The following LAMA3 variants were observed in gnomAD, a reference collection of about 807,000 sequenced individuals.
LAMA3 encodes the protein laminin subunit alpha 3.
LAMA3 carries 281 observed loss-of-function variants against 402.0 expected under a neutral mutation model. The observed-to-expected ratio is 0.70, with a 90% CI of 0.63 to 0.77. The LOEUF is 0.77. Ranked by LOEUF, LAMA3 falls within the 30% of genes least tolerant of loss-of-function variation. LAMA3 has a pLI of 0.00. For synonymous variants in LAMA3, 1,431 were observed against 1,558.4 expected, an observed-to-expected ratio of 0.92 and a Z score of 1.93; for missense variants, 3,840 against 4,215.5, an observed-to-expected ratio of 0.91 and a Z score of 2.47.
chr18:23,872,523 C>A (rs187885914), intron 38 of LAMA3, among the ~76,000 whole-genome samples: 3 of 152,242 alleles, frequency 2.0e-5, no homozygotes, highest in Admixed American at 2.0e-4. Flanking sequence ...TCTTTCCTGG[C>A]CCCCTGGTAG....
In LAMA3 at chr18:23,898,778, G is replaced by T. The variant is rs1447259283; in HGVS notation, c.5654G>T (p.Gly1885Val). ...LNYRSAISNH[G>V]SKIEGLEREL... ...TACCGTTCTGCCATTTCAAATCATG[G>T]ATCAAAAATAGAAGGCCTGGAAAGA... The change falls in exon 45 of 75, where the codon GGA (glycine) becomes GTA (valine). Residue 1885 changes from glycine to valine, a missense_variant. This residue lies in a region of LAMA3 where 891 missense variants were observed against 857.5 expected (regional missense o/e 1.04). Coordinates refer to ENST00000313654, the MANE Select transcript of LAMA3 (RefSeq NM_198129.4). 1 of 1,612,254 alleles carries T rather than the reference G, an allele frequency of 6.2e-7. No homozygotes were observed. The highest frequency in any genetic ancestry group is 8.5e-7 in the Non-Finnish European group (1 of 1,178,500).
chr18:23,835,166 C>T (rs529018036), intron 24 of LAMA3, among the ~76,000 whole-genome samples: 1 of 152,304 alleles, frequency 6.6e-6, no homozygotes, highest in South Asian at 2.1e-4. Context: ...AGACTGTTAG[C>T]CGCAGGGCCT....
intron 12 of LAMA3, chr18:23,796,224 A>G (rs1264111026): frequency 8.2e-6 from 2 of 244,780 alleles, no homozygotes; most frequent in Admixed American, 9.9e-5. Flanking sequence ...AAGACTAGGA[A>G]AAGAGTATAC....
chr18:23,894,438 G>C lies in LAMA3; in HGVS notation c.5461+90G>C. ...ACCATGCTGGGTCATGCAGTTTCCA[G>C]TCTGGGAAAGTAAGGGTGGGAGGAG... On this transcript the variant is annotated intron_variant, in intron 43 of 74. Coordinates refer to ENST00000313654, the MANE Select transcript of LAMA3 (RefSeq NM_198129.4). The C allele has an allele frequency of 3.4e-6, 4 of 1,162,682 alleles. 1 individual carries two copies. Among genetic ancestry groups the C allele is most frequent in the Middle Eastern group, 1.9e-4 (1 of 5,176 alleles). 72.0% of individuals were successfully genotyped at this position (1,162,682 alleles called of 1,614,324 possible). A position where few individuals can be genotyped will look rare whatever the true frequency, so the allele number is the denominator to read the frequency against.
intron 1 of LAMA3, among the ~76,000 whole-genome samples, chr18:23,709,066 T>A (rs546883017): frequency 1.3e-5 from 2 of 150,232 alleles, no homozygotes; most frequent in African/African-American, 4.9e-5. Context: ...CATTTGGAGG[T>A]TTTTTCTTTT....
chr18:23,835,172 G>T (rs1038909910), intron 24 of LAMA3, among the ~76,000 whole-genome samples: 1 of 152,136 alleles, frequency 6.6e-6, no homozygotes, highest in African/African-American at 2.4e-5. Flanking sequence ...TTAGCCGCAG[G>T]GCCTGGACCA....
chr18:23,877,157 G>T (rs1158465136), intron 39 of LAMA3, among the ~76,000 whole-genome samples: 1 of 152,176 alleles, frequency 6.6e-6, no homozygotes, highest in African/African-American at 2.4e-5. Context: ...AAGGGAAAGT[G>T]CTGCTCACCC....
At chr18:23,804,158 G>A (rs865889492) in intron 12 of LAMA3, among the ~76,000 whole-genome samples, 1 of 152,318 alleles carries the variant, frequency 6.6e-6, no homozygotes, top group African/African-American at 2.4e-5. Context: ...GTTATCTGCA[G>A]AGGATGGCTT....
rs562356276 is a variant in LAMA3, at chr18:23,759,589, T to C, written c.1063+1078T>C. On this transcript the variant is annotated intron_variant, in intron 7 of 74. Coordinates refer to ENST00000313654, the MANE Select transcript of LAMA3 (RefSeq NM_198129.4). ...TTTGCTTGTTTGTTTGTATTTTTAG[T>C]AGGGATGGGGTTTCGCCATGTTGGC... Among the ~76,000 whole-genome samples the C allele has an allele frequency of 4.0e-4, 61 of 152,324 alleles. No individual in the cohort carries two copies. In the Middle Eastern group the frequency reaches 0.017, roughly 42 times the overall value.
intron 8 of LAMA3, among the ~76,000 whole-genome samples, chr18:23,769,018 G>A (rs905227133): frequency 4.6e-5 from 7 of 152,194 alleles, no homozygotes; most frequent in Non-Finnish European, 8.8e-5. Flanking sequence ...GACAAGGGTC[G>A]AAAAACTAAC....
chr18:23,885,468 C>T (rs1265222966), intron 41 of LAMA3, among the ~76,000 whole-genome samples: 4 of 151,378 alleles, frequency 2.6e-5, no homozygotes, highest in Non-Finnish European at 2.9e-5. Flanking sequence ...AATAGGTGTT[C>T]GGTAATGTTT....
At chr18:23,878,981 TC>T (rs940999113) in intron 39 of LAMA3, among the ~76,000 whole-genome samples, 1 of 149,208 alleles carries the variant, frequency 6.7e-6, no homozygotes, top group Non-Finnish European at 1.5e-5. Flanking sequence ...TTTTCTCCTC[TC>T]CCCCCAATTC....
intron 66 of LAMA3, chr18:23,932,697 C>T (rs1053537945): frequency 2.4e-4 from 46 of 192,206 alleles, no homozygotes; most frequent in African/African-American, 1.0e-3. Context: ...CAATGTTGAA[C>T]GTGATATTTA....
Position 23,767,161 on chromosome 18 carries a change from C to CA in LAMA3, c.1182+3640dup, listed in dbSNP as rs200376372. ...GCCCAAATCTAGGAATACATCTAAC[C>CA]AAGGAGGTGAAAGATCTCTACAAGG... On this transcript the variant is annotated intron_variant, in intron 8 of 74. Coordinates refer to ENST00000313654, the MANE Select transcript of LAMA3 (RefSeq NM_198129.4). Among the ~76,000 whole-genome samples, 549 of 152,130 alleles carry CA rather than the reference C, an allele frequency of 3.6e-3. 3 individuals carry two copies. The highest frequency in any genetic ancestry group is 0.013 in the African/African-American group (520 of 41,502).
rs866224631 is a variant in LAMA3 at position 23,953,339 on chromosome 18, T to G, written c.9856+230T>G. The stretch of plus-strand genomic sequence containing the variant: ...CCTGTAATTTTGTTTTTTTTTTTTG[T>G]TTTTTTTTTTGTTTTTTTTTGAGAT... On this transcript the variant is annotated intron_variant, in intron 74 of 74. Coordinates refer to ENST00000313654, the MANE Select transcript of LAMA3 (RefSeq NM_198129.4). Among the ~76,000 whole-genome samples, 1,218 of 140,956 alleles carry G rather than the reference T, an allele frequency of 8.6e-3. 9 individuals are homozygous for G. The highest frequency in any genetic ancestry group is 0.071 in the Middle Eastern group (18 of 254). 92.5% of individuals were successfully genotyped at this position (140,956 alleles called of 152,430 possible). A position where few individuals can be genotyped will look rare whatever the true frequency, so the allele number is the denominator to read the frequency against.
At chr18:23,773,450 C>T (rs546648211) in intron 8 of LAMA3, 47 bp from the exon 9 acceptor site, 74 of 1,161,134 alleles carry the variant, frequency 6.4e-5, no homozygotes, top group African/African-American at 5.8e-4. Flanking sequence ...TAAGGAGAAT[C>T]GTCTTCCCCA....
chr18:23,799,320 T>A (rs2062825561), intron 12 of LAMA3, among the ~76,000 whole-genome samples: 1 of 152,200 alleles, frequency 6.6e-6, no homozygotes, highest in African/African-American at 2.4e-5. Flanking sequence ...ATTGAAATAT[T>A]TTTAAAGCCT....
chr18:23,913,041 C>T (rs2081489221), intron 56 of LAMA3, among the ~76,000 whole-genome samples, 160 bp downstream of exon 56: 1 of 152,228 alleles, frequency 6.6e-6, no homozygotes, highest in South Asian at 2.1e-4. Flanking sequence ...CTGCCCACCT[C>T]CCCACTGTGG....
intron 33 of LAMA3, 31 bp from the exon 34 acceptor site, chr18:23,858,658 T>G: frequency 6.2e-7 from 1 of 1,613,754 alleles, no homozygotes; most frequent in Non-Finnish European, 8.5e-7. Context: ...TTGGAACACG[T>G]GATCTCTTAT....
Sources: allele counts gnomAD v4.1 joint callset (sites outside exome capture counted in the v4.1 genomes callset), GRCh38; gene constraint gnomAD v4.1.1; regional missense constraint gnomAD v4.1.1; transcripts MANE v1.5; gene names NCBI Gene and HGNC (gene_info 2026-07-23, HGNC 2026-07-21).